Variants in DLEC1 observed in about 807,000 individuals in gnomAD.
DLEC1 encodes deleted in lung and esophageal cancer protein 1.
In DLEC1, 146 loss-of-function variants were observed where a neutral mutation model predicts 198.1. The observed-to-expected ratio is 0.74, with a 90% CI of 0.64 to 0.85. The LOEUF (loss-of-function observed/expected upper bound fraction) is 0.85, where lower values mean the gene tolerates loss of function less well. Ranked by LOEUF, DLEC1 falls within the 40% of genes least tolerant of loss-of-function variation. The probability of loss-of-function intolerance (pLI) is 0.00; values close to 1 mark genes in which losing one functional copy is unlikely to be tolerated. For missense variants in DLEC1, 2,233 were observed against 2,220.0 expected, an observed-to-expected ratio of 1.01 and a Z score of -0.12; for synonymous variants, 897 against 866.8, an observed-to-expected ratio of 1.03 and a Z score of -0.61.
At chr3:38,097,412 T>G in intron 16 of DLEC1, 95 bp from the exon 17 acceptor site, 1 of 1,578,078 alleles carries the variant, frequency 6.3e-7, no homozygotes, top group Non-Finnish European at 8.6e-7. Flanking sequence ...GTGAGGGAGA[T>G]GAGAAGTCTG....
At chr3:38,118,871 C>G (rs550224385) in intron 33 of DLEC1, among the ~76,000 whole-genome samples, 1 of 152,158 alleles carries the variant, frequency 6.6e-6, no homozygotes, top group Non-Finnish European at 1.5e-5. Context: ...AATGTATACT[C>G]CACTGTGTAG....
rs750351143 is a variant in DLEC1 at position 38,045,613 on chromosome 3, C to T, written c.482C>T (p.Ala161Val). ...GAGAGACATATCACTCAGGCCCAAG[C>T]ACGGGCTATTGCGGAAAATGAGCGG... ...MLERHITQAQ[A>V]RAIAENERVM... Residue 161 changes from alanine (A) to valine (V), a missense_variant, in exon 2 of 37, where the codon GCA (alanine) becomes GTA (valine). By Grantham distance (64) the Ala-to-Val change is moderately conservative. Coordinates refer to ENST00000308059, the MANE Select transcript of DLEC1 (RefSeq NM_007335.4). 5.0e-6 allele frequency: 8 copies of T among 1,614,026 alleles called. No homozygotes were observed. In the African/African-American group the frequency reaches 1.1e-4, roughly 22 times the overall value.
intron 2 of DLEC1, among the ~76,000 whole-genome samples, chr3:38,050,527 G>A (rs774763536): frequency 3.3e-5 from 5 of 152,008 alleles, no homozygotes; most frequent in Admixed American, 1.3e-4. Context: ...ATCACATGGC[G>A]AGAAAGCAAG....
At chr3:38,050,159 C>T (rs1701046012) in intron 2 of DLEC1, among the ~76,000 whole-genome samples, 1 of 151,974 alleles carries the variant, frequency 6.6e-6, no homozygotes, top group South Asian at 2.1e-4. Flanking sequence ...ACCCCTGACT[C>T]CTGGGCTCAA....
In DLEC1 at chr3:38,040,863, A is replaced by G. The variant is rs532193650; in HGVS notation, c.411+1227A>G. Among the ~76,000 whole-genome samples, 346 of 151,726 alleles carry G rather than the reference A, an allele frequency of 2.3e-3. 1 individual carries two copies. Among genetic ancestry groups the G allele is most frequent in the Non-Finnish European group, 2.8e-3 (192 of 67,928 alleles). On this transcript the variant is annotated intron_variant, in intron 1 of 36. Transcript: ENST00000308059. Reference sequence around the variant, plus strand: ...CATATTACAAATTTTTTTTTTTGACAGAGTCTGGCTCTGTTGCCCAGGCTG... The same window carrying G: ...CATATTACAAATTTTTTTTTTTGACGGAGTCTGGCTCTGTTGCCCAGGCTG...
chr3:38,083,570 C>T (rs928019105), intron 6 of DLEC1, among the ~76,000 whole-genome samples: 11 of 150,762 alleles, frequency 7.3e-5, no homozygotes, highest in Admixed American at 3.5e-4. Context: ...AGGCAAGGAC[C>T]AGCCATTTAC....
intron 19 of DLEC1, among the ~76,000 whole-genome samples, chr3:38,101,314 G>GT (rs1226978168): frequency 1.3e-5 from 2 of 152,114 alleles, no homozygotes; most frequent in African/African-American, 4.8e-5. Flanking sequence ...AATTAGCCAG[G>GT]TATGGTGGTG....
intron 2 of DLEC1, among the ~76,000 whole-genome samples, chr3:38,056,421 T>G (rs1696377201): frequency 6.6e-6 from 1 of 152,186 alleles, no homozygotes; most frequent in South Asian, 2.1e-4. Context: ...GTGATTCTCC[T>G]GCCTCAGCCT....
chr3:38,116,732 C>T, intron 28 of DLEC1, 41 bp from the exon 29 acceptor site: 1 of 1,608,126 alleles, frequency 6.2e-7, no homozygotes, highest in Non-Finnish European at 8.5e-7. Context: ...GCTAGTTGAA[C>T]CTCAGTGACT....
chr3:38,116,935 T>C lies in DLEC1; in HGVS notation c.4180-40T>C, dbSNP rs750714104. 5.1e-5 allele frequency: 83 copies of C among 1,612,218 alleles called. 1 individual carries two copies. The Admixed American group carries it at 1.3e-3, about 26-fold the overall frequency. On this transcript the variant is annotated intron_variant, in intron 29 of 36. Transcript: ENST00000308059. The stretch of plus-strand genomic sequence containing the variant: ...GGAGCTGTCTGCATTGGCCGGCCAG[T>C]GGGCATGGGACAGTGCTAAGGCTGC...
chr3:38,088,202 T>G, intron 9 of DLEC1, 94 bp from the exon 10 acceptor site: 1 of 1,143,170 alleles, frequency 8.7e-7, no homozygotes, highest in Non-Finnish European at 1.3e-6. Flanking sequence ...TCCTTCACAT[T>G]GCAAAATGGA....
intron 2 of DLEC1, chr3:38,051,635 GT>G: frequency 4.5e-6 from 1 of 223,026 alleles, no homozygotes. Context: ...CGGTGGAGTC[GT>G]TTTTCAGCAG....
chr3:38,080,414 G>C (rs918630746), intron 6 of DLEC1, among the ~76,000 whole-genome samples: 3 of 152,128 alleles, frequency 2.0e-5, no homozygotes, highest in Non-Finnish European at 4.4e-5. Flanking sequence ...AGGCGGGAGG[G>C]AAAGAAGGAA....
At chr3:38,065,098 A>G (rs1450533930) in intron 6 of DLEC1, among the ~76,000 whole-genome samples, 1 of 152,224 alleles carries the variant, frequency 6.6e-6, no homozygotes, top group Non-Finnish European at 1.5e-5. Context: ...GCACCTCGGG[A>G]GGCTGAGGCT....
In DLEC1 at chr3:38,121,722, T is replaced by G. The variant is rs760771851; in HGVS notation, c.4961T>G (p.Val1654Gly). The change falls in exon 35 of 37, where the codon GTC becomes GGC. Residue 1654 changes from valine (V) to glycine (G), a missense_variant. Val to Gly is a moderately radical substitution (Grantham distance 109). Coordinates refer to ENST00000308059, the MANE Select transcript of DLEC1 (RefSeq NM_007335.4). ...FGTCFVSQQR[V>G]REVYLMNLSG... ...ACCTGCTTTGTGAGCCAGCAGCGAG[T>G]CCGGGAGGTCTACCTGATGAACCTG... The G allele has an allele frequency of 1.2e-6, 2 of 1,613,910 alleles. No homozygotes were observed.
intron 10 of DLEC1, among the ~76,000 whole-genome samples, chr3:38,092,305 A>C (rs1407454060): frequency 6.6e-6 from 1 of 152,260 alleles, no homozygotes; most frequent in Non-Finnish European, 1.5e-5. Context: ...CAAATACTGC[A>C]TGATTGCACC....
At chr3:38,058,853 A>G (rs1696523177) in intron 2 of DLEC1, among the ~76,000 whole-genome samples, 1 of 150,990 alleles carries the variant, frequency 6.6e-6, no homozygotes, top group Non-Finnish European at 1.5e-5. Flanking sequence ...CCTTCCTCTC[A>G]ATTTTGCTGC....
intron 1 of DLEC1, among the ~76,000 whole-genome samples, chr3:38,043,434 C>A (rs559164428): frequency 6.6e-6 from 1 of 152,302 alleles, no homozygotes; most frequent in Non-Finnish European, 1.5e-5. Flanking sequence ...TAGTAAGACA[C>A]ATAACACAGA....
At chr3:38,095,099 C>T (rs1330487568) in intron 13 of DLEC1, 28 bp downstream of exon 13, 2 of 1,611,816 alleles carry the variant, frequency 1.2e-6, no homozygotes, top group Admixed American at 3.3e-5. Context: ...TCAGTAGCCA[C>T]ACATGGTTGG....
Sources: gnomAD v4.1 joint callset for allele counts (sites outside exome capture counted in the v4.1 genomes callset) on GRCh38, gnomAD v4.1.1 for gene constraint, MANE v1.5 for transcripts, NCBI Gene and HGNC (gene_info 2026-07-23, HGNC 2026-07-21) for gene names.